Variants in ATP2B2 observed in about 807,000 individuals in gnomAD.
ATP2B2 encodes the protein plasma membrane calcium-transporting ATPase 2.
In ATP2B2, 15 loss-of-function variants were observed where a neutral mutation model predicts 120.0. The observed-to-expected ratio is 0.12, with a 90% CI of 0.08 to 0.19. The LOEUF (loss-of-function observed/expected upper bound fraction) is 0.19. ATP2B2 is among the 10% of genes least tolerant of loss of function. The pLI is 1.00. For missense variants in ATP2B2, 1,045 were observed against 1,719.8 expected (o/e 0.61, Z 6.94); for synonymous variants, 694 against 700.3 (o/e 0.99, Z 0.14).
chr3:10,457,155 G>A (rs1402407590), intron 1 of ATP2B2, among the ~76,000 whole-genome samples: 1 of 151,924 alleles, frequency 6.6e-6, no homozygotes, highest in South Asian at 2.1e-4. Context: ...TGTGCAGGGT[G>A]GGTGTGGGTG....
intron 1 of ATP2B2, among the ~76,000 whole-genome samples, chr3:10,632,193 A>G (rs1361631152): frequency 6.6e-6 from 1 of 152,206 alleles, no homozygotes; most frequent in Non-Finnish European, 1.5e-5. Context: ...ATAAAAGTGT[A>G]GATTTCTGTA....
chr3:10,612,536 G>A (rs568529081), intron 2 of ATP2B2, among the ~76,000 whole-genome samples: 2 of 152,186 alleles, frequency 1.3e-5, no homozygotes, highest in African/African-American at 4.8e-5. Context: ...CTAAGTGTGG[G>A]ACACTTCAAG....
At chr3:10,485,410 AGGGATT>A (rs2065604036) in intron 1 of ATP2B2, among the ~76,000 whole-genome samples, 2 of 152,270 alleles carry the variant, frequency 1.3e-5, no homozygotes, top group African/African-American at 4.8e-5. Context: ...GGGTGAGCAG[AGGGATT>A]GGAAAAGGAG....
intron 1 of ATP2B2, among the ~76,000 whole-genome samples, chr3:10,461,729 C>T (rs1362331734): frequency 6.6e-6 from 1 of 152,178 alleles, no homozygotes; most frequent in Non-Finnish European, 1.5e-5. Flanking sequence ...CTCTAGGCTT[C>T]CTTCCTCTTG....
chr3:10,702,200 T>A (rs907671979), intron 1 of ATP2B2, among the ~76,000 whole-genome samples: 1 of 152,146 alleles, frequency 6.6e-6, no homozygotes. Context: ...AGCCACCTTG[T>A]AGGGGAAAGG....
chr3:10,584,586 G>A (rs1031748988), intron 2 of ATP2B2, among the ~76,000 whole-genome samples: 2 of 152,170 alleles, frequency 1.3e-5, no homozygotes, highest in Non-Finnish European at 2.9e-5. Flanking sequence ...TCTTTCCAGA[G>A]GGAAAGGGAC....
chr3:10,614,374 T>C (rs1343803084), intron 2 of ATP2B2, among the ~76,000 whole-genome samples: 1 of 152,048 alleles, frequency 6.6e-6, no homozygotes, highest in Non-Finnish European at 1.5e-5. Flanking sequence ...GTTATAAGGA[T>C]TTATTTACAC....
At chr3:10,420,068 C>G (rs779982821) in intron 2 of ATP2B2, among the ~76,000 whole-genome samples, 2 of 152,232 alleles carry the variant, frequency 1.3e-5, no homozygotes, top group Admixed American at 6.5e-5. Flanking sequence ...GAGAGGCTGT[C>G]AGTGCATGCA....
intron 2 of ATP2B2, among the ~76,000 whole-genome samples, chr3:10,539,454 G>A (rs1397570052): frequency 6.6e-6 from 1 of 152,024 alleles, no homozygotes; most frequent in Non-Finnish European, 1.5e-5. Context: ...GAGACATCAC[G>A]CTACCTGACT....
chr3:10,480,159 G>A (rs2065353306), intron 1 of ATP2B2, among the ~76,000 whole-genome samples: 1 of 152,138 alleles, frequency 6.6e-6, no homozygotes, highest in Admixed American at 6.5e-5. Flanking sequence ...TTCTCCAGGG[G>A]GAAGGGTGTA....
chr3:10,464,422 G>C (rs909012440), intron 1 of ATP2B2, among the ~76,000 whole-genome samples: 8 of 152,108 alleles, frequency 5.3e-5, no homozygotes, highest in Non-Finnish European at 8.8e-5. Flanking sequence ...CCAAATAAAA[G>C]CAAGCCAGGA....
intron 2 of ATP2B2, among the ~76,000 whole-genome samples, chr3:10,419,622 T>G (rs375628299): frequency 1.3e-3 from 191 of 152,370 alleles, no homozygotes; most frequent in African/African-American, 4.4e-3. Context: ...GGCCTTGGGC[T>G]GTCTCACTTG....
At chr3:10,398,534 C>T (rs889481503) in intron 5 of ATP2B2, among the ~76,000 whole-genome samples, 7 of 152,214 alleles carry the variant, frequency 4.6e-5, no homozygotes, top group East Asian at 1.9e-4. Flanking sequence ...CCAGGCTTCA[C>T]GGGACTCACT....
At chr3:10,678,129 G>T (rs747771151) in intron 1 of ATP2B2, among the ~76,000 whole-genome samples, 1 of 152,206 alleles carries the variant, frequency 6.6e-6, no homozygotes, top group African/African-American at 2.4e-5. Context: ...TGTGCAAACC[G>T]TGGTTCTCAC....
chr3:10,353,397 C>G (rs527756307), intron 14 of ATP2B2, among the ~76,000 whole-genome samples: 1 of 152,316 alleles, frequency 6.6e-6, no homozygotes, highest in South Asian at 2.1e-4. Flanking sequence ...TGTGCCAGGG[C>G]TGAGGCTACA....
chr3:10,426,878 TG>T (rs1242816393), intron 2 of ATP2B2, among the ~76,000 whole-genome samples: 1 of 15,216 alleles, frequency 6.6e-5, no homozygotes, highest in Admixed American at 7.9e-4. Flanking sequence ...GGGGTGGGGG[TG>T]GGGGGAAGAT....
chr3:10,658,002 T>G (rs2070681967), intron 1 of ATP2B2, among the ~76,000 whole-genome samples: 2 of 152,198 alleles, frequency 1.3e-5, no homozygotes, highest in African/African-American at 2.4e-5. Flanking sequence ...GGAGTGGACC[T>G]CCAGCAAACT....
chr3:10,566,071 C>T (rs1181111418), intron 2 of ATP2B2, among the ~76,000 whole-genome samples: 3 of 152,144 alleles, frequency 2.0e-5, no homozygotes, highest in Non-Finnish European at 4.4e-5. Context: ...TCTGCCCATG[C>T]ACCCACCCCT....
intron 1 of ATP2B2, among the ~76,000 whole-genome samples, chr3:10,672,981 G>A (rs1346684485): frequency 1.3e-5 from 2 of 152,166 alleles, no homozygotes; most frequent in Non-Finnish European, 2.9e-5. Context: ...ACTGGGTGTG[G>A]CTCAGCTCCT....
Sources: allele counts gnomAD v4.1 joint callset (sites outside exome capture counted in the v4.1 genomes callset), GRCh38; gene constraint gnomAD v4.1.1; transcripts MANE v1.5; gene names NCBI Gene and HGNC (gene_info 2026-07-23, HGNC 2026-07-21).